Variants in NOP16 observed in about 807,000 individuals in gnomAD.
NOP16 encodes NOP16 nucleolar protein.
A neutral mutation model predicts 22.7 loss-of-function variants in NOP16; 14 were observed. That is an observed-to-expected ratio of 0.62 (90% CI 0.41 to 0.97). The LOEUF is 0.97. Among genes scored for constraint, NOP16 ranks in the 50% least tolerant of loss-of-function variants. The pLI is 0.00. For missense variants in NOP16, 198 were observed against 235.9 expected (o/e 0.84, Z 1.05); for synonymous variants, 80 against 83.6 (o/e 0.96, Z 0.23).
rs560494742 is a variant in NOP16, at chr5:176,384,514, C to T, written c.394-140G>A. ...CTCAAAGGCTGTGGTGCACCGGGCACAGTGGCTCATGCCTGTAATCCCAAC... is the reference window on the plus strand; with the variant it reads ...CTCAAAGGCTGTGGTGCACCGGGCATAGTGGCTCATGCCTGTAATCCCAAC... On this transcript the variant is annotated intron_variant, in intron 4 of 4. Transcript: ENST00000614830. 2.4e-4 allele frequency: 196 copies of T among 804,436 alleles called. 1 individual carries two copies. In the South Asian group the frequency reaches 3.2e-3, roughly 13 times the overall value. The allele number at this position is 804,436 out of a possible 1,614,324, so 49.8% of individuals were successfully genotyped here.
At chr5:176,385,370 G>T (rs757470316) in intron 3 of NOP16, 43 bp from the exon 4 acceptor site, 5 of 1,181,418 alleles carry the variant, frequency 4.2e-6, no homozygotes, top group Admixed American at 1.7e-5. Context: ...ATGAGGCTTT[G>T]CTTTCTGTGC....
At position 176,385,279 on chromosome 5, in the gene NOP16, G is replaced by T; in HGVS notation, c.335C>A (p.Ser112Tyr). ...SLPEKKGNTL[S>Y]RDLIDYVRYM... ...GCGTACATAGTCAATGAGGTCCCGAGACAGAGTATTTCCTTTCTTTTCTGG... is the reference window on the plus strand; with the variant it reads ...GCGTACATAGTCAATGAGGTCCCGATACAGAGTATTTCCTTTCTTTTCTGG... Residue 112 changes from serine (S) to tyrosine (Y), a missense_variant, in exon 4 of 5, where the codon TCT becomes TAT. By Grantham distance (144) the Ser-to-Tyr change is moderately radical. Coordinates refer to ENST00000614830, the MANE Select transcript of NOP16 (RefSeq NM_016391.8). 1 of 1,613,466 alleles carries T rather than the reference G, an allele frequency of 6.2e-7. No homozygotes were observed. Among genetic ancestry groups the T allele is most frequent in the African/African-American group, 1.3e-5 (1 of 75,032 alleles).
Position 176,388,358 on chromosome 5 carries a change from A to T in NOP16, c.108-15T>A. Reference sequence around the variant, plus strand: ...GGATGTGGGAGCTACCGGCAAAGAGAGACATCGCGGATCCGTCATCTCGCG... The same window carrying T: ...GGATGTGGGAGCTACCGGCAAAGAGTGACATCGCGGATCCGTCATCTCGCG... On this transcript the variant is annotated splice_polypyrimidine_tract_variant and intron_variant, in intron 1 of 4. Transcript: ENST00000614830. 1.2e-6 allele frequency: 2 copies of T among 1,613,638 alleles called. No homozygotes were observed. Among genetic ancestry groups the T allele is most frequent in the Non-Finnish European group, 1.7e-6 (2 of 1,179,556 alleles).
chr5:176,384,833 A>C (rs1012857152), intron 4 of NOP16: 16 of 433,092 alleles, frequency 3.7e-5, no homozygotes, highest in Middle Eastern at 6.0e-4. Context: ...CCAGCTGAGG[A>C]GCTCATGACC....
At chr5:176,387,647 C>G (rs1343668310) in intron 2 of NOP16, among the ~76,000 whole-genome samples, 1 of 152,184 alleles carries the variant, frequency 6.6e-6, no homozygotes, top group Non-Finnish European at 1.5e-5. Flanking sequence ...TTTTGGGAAC[C>G]TGGATTCTTT....
At position 176,384,967 on chromosome 5, in the gene NOP16, A is replaced by C. The variant is rs1416780864; in HGVS notation, c.393+254T>G. 3 of 581,780 alleles carry C rather than the reference A, an allele frequency of 5.2e-6. No homozygotes were observed. The Admixed American group carries it at 8.9e-5, about 17-fold the overall frequency. The allele number at this position is 581,780 out of a possible 1,614,324, so 36.0% of individuals were successfully genotyped here. A position where few individuals can be genotyped will look rare whatever the true frequency, so the allele number is the denominator to read the frequency against. On this transcript the variant is annotated intron_variant, in intron 4 of 4. Transcript: ENST00000614830. ...CTGAGCAAGACTCTGTCTTGAAAAC[A>C]AAAACAAACCAAAAAACACCATGCG...
chr5:176,386,905 T>C lies in NOP16; in HGVS notation c.221A>G (p.Lys74Arg). 2 of 1,613,972 alleles carry C rather than the reference T, an allele frequency of 1.2e-6. No homozygotes were observed. The highest frequency in any genetic ancestry group is 1.7e-6 in the Non-Finnish European group (2 of 1,179,862). Residue 74 changes from lysine to arginine, a missense_variant, in exon 3 of 5, where the codon AAG (lysine) becomes AGG (arginine). Lys to Arg is a conservative substitution (Grantham distance 26). Transcript: ENST00000614830. ...RAVPLRKRKV[K>R]AMEVDIEERP... ...CTCCTCTATGTCCACCTCCATGGCC[T>C]TCACCTGCAGAGAACAGAGCCCTTG... is the stretch of plus-strand genomic sequence containing the variant.
chr5:176,384,003 A>T lies in NOP16; in HGVS notation c.*228T>A, dbSNP rs541817987. 6.5e-7 allele frequency: 1 copy of T among 1,536,574 alleles called. No homozygotes were observed. The highest frequency in any genetic ancestry group is 1.2e-5 in the South Asian group (1 of 84,234). On this transcript the variant is annotated 3_prime_UTR_variant, in exon 5 of 5. Transcript: ENST00000614830. The stretch of plus-strand genomic sequence containing the variant: ...TATTTACATCACCCACCCTGAAAAC[A>T]GCAGGTTCTGGCTTTTCCGTGAACC...
In NOP16 at chr5:176,386,369, G is replaced by A. The variant is rs571555417; in HGVS notation, c.286+471C>T. On this transcript the variant is annotated intron_variant, in intron 3 of 4. Transcript: ENST00000614830. ...GGGAGCTGCTTAAACTCCCTGACAG[G>A]TAAGGGGAAGGATGAATGAAGAATT... 4.8e-4 allele frequency: 105 copies of A among 220,196 alleles called. 2 individuals are homozygous for A. The South Asian group carries it at 6.9e-3, about 14-fold the overall frequency. The allele number at this position is 220,196 out of a possible 1,614,324, so 13.6% of individuals were successfully genotyped here. A position where few individuals can be genotyped will look rare whatever the true frequency, so the allele number is the denominator to read the frequency against.
chr5:176,385,579 C>T (rs1274643219), intron 3 of NOP16, among the ~76,000 whole-genome samples: 2 of 152,160 alleles, frequency 1.3e-5, no homozygotes, highest in South Asian at 4.1e-4. Flanking sequence ...CACTTCTCTC[C>T]GGGCCTCAGG....
At chr5:176,384,523 A>G in intron 4 of NOP16, 149 bp from the exon 5 acceptor site, 2 of 746,092 alleles carry the variant, frequency 2.7e-6, no homozygotes, top group Non-Finnish European at 4.3e-6. Flanking sequence ...ACAGTGGCTC[A>G]TGCCTGTAAT....
At position 176,386,861 on chromosome 5, in the gene NOP16, G is replaced by A. The variant is rs752090377; in HGVS notation, c.265C>T (p.Arg89Trp). ...DIEERPKELV[R>W]KPYVLNDLEA... ...CCACCATTCAGCACATAGGGCTTCC[G>A]TACAAGCTCTTTAGGCCTCTCCTCT... Residue 89 changes from arginine to tryptophan, a missense_variant, in exon 3 of 5, where the codon CGG (arginine) becomes TGG (tryptophan). Transcript: ENST00000614830. 6.8e-6 allele frequency: 11 copies of A among 1,613,902 alleles called. No individual in the cohort carries two copies. The highest frequency in any genetic ancestry group is 2.2e-5 in the East Asian group (1 of 44,894).
intron 4 of NOP16, chr5:176,385,019 C>T: frequency 1.7e-6 from 1 of 588,830 alleles, no homozygotes; most frequent in East Asian, 2.8e-5. Flanking sequence ...GTGAGTGAGA[C>T]TGGAACCAAG....
At position 176,388,254 on chromosome 5, in the gene NOP16, A is replaced by T. The variant is rs1350415891; in HGVS notation, c.197T>A (p.Val66Glu). 6.2e-7 allele frequency: 1 copy of T among 1,612,866 alleles called. No homozygotes were observed. The highest frequency in any genetic ancestry group is 8.5e-7 in the Non-Finnish European group (1 of 1,179,104). Reference sequence around the variant, plus strand: ...CAGTACCTTTCTCTTACGGAGGGGCACCGCCCTGTTGGGGTCCACAGCCAA... The same window carrying T: ...CAGTACCTTTCTCTTACGGAGGGGCTCCGCCCTGTTGGGGTCCACAGCCAA... ...MGLAVDPNRAVPLRKRKVKAM... is the reference protein window; with the variant it reads ...MGLAVDPNRAEPLRKRKVKAM... The change falls in exon 2 of 5, where the codon GTG becomes GAG. Residue 66 changes from valine to glutamate, a missense_variant. Val to Glu is a moderately radical substitution (Grantham distance 121). Transcript: ENST00000614830.
intron 4 of NOP16, chr5:176,384,693 C>G: frequency 2.4e-6 from 1 of 408,628 alleles, no homozygotes. Flanking sequence ...CTGTTTCAGC[C>G]CGGGAGGATG....
Position 176,384,190 on chromosome 5 carries a change from C to G in NOP16, c.*41G>C, listed in dbSNP as rs140981968. ...CACCCTGGCTCCAGCTTCACTGGTC[C>G]GGGGGACGCCTCAGCCTGGGGCAGC... is the stretch of plus-strand genomic sequence containing the variant. On this transcript the variant is annotated 3_prime_UTR_variant, in exon 5 of 5. Coordinates refer to ENST00000614830, the MANE Select transcript of NOP16 (RefSeq NM_016391.8). 4.3e-6 allele frequency: 7 copies of G among 1,613,978 alleles called. No individual in the cohort carries two copies. In the Admixed American group the frequency reaches 5.0e-5, roughly 12 times the overall value.
Position 176,385,260 on chromosome 5 carries a change from AT to A in NOP16, c.353del (p.Tyr118LeufsTer6). 6.2e-7 allele frequency: 1 copy of A among 1,613,304 alleles called. No individual in the cohort carries two copies. On this transcript the variant is annotated frameshift_variant, in exon 4 of 5. Coordinates refer to ENST00000614830, the MANE Select transcript of NOP16 (RefSeq NM_016391.8). LOFTEE classifies it high-confidence loss of function. Reference protein sequence around the residue: ...GNTLSRDLIDYVRYMVENHGE... With the variant: ...GNTLSRDLIDXVRYMVENHGE... ...CGTGGTTCTCTACCATGTAGCGTAC[AT>A]AGTCAATGAGGTCCCGAGACAGAGT...
At chr5:176,387,423 AAG>A (rs1755955589) in intron 2 of NOP16, among the ~76,000 whole-genome samples, 1 of 152,222 alleles carries the variant, frequency 6.6e-6, no homozygotes, top group Non-Finnish European at 1.5e-5. Flanking sequence ...TGTTCTCAAT[AAG>A]TAGTTAACCT....
rs1393036270 is a variant in NOP16, at chr5:176,386,960, T to G, written c.217-51A>C. On this transcript the variant is annotated intron_variant, in intron 2 of 4. Coordinates refer to ENST00000614830, the MANE Select transcript of NOP16 (RefSeq NM_016391.8). ...CAGAAGGATCTTTGATGAGGGAAAG[T>G]TATAGACTCCTGCTTATCCCAACAC... 2.7e-6 allele frequency: 4 copies of G among 1,500,248 alleles called. No homozygotes were observed. The Admixed American group carries it at 6.7e-5, about 25-fold the overall frequency. 92.9% of individuals were successfully genotyped at this position (1,500,248 alleles called of 1,614,324 possible).
Sources: gnomAD v4.1 joint callset for allele counts (sites outside exome capture counted in the v4.1 genomes callset) on GRCh38, gnomAD v4.1.1 for gene constraint, MANE v1.5 for transcripts, NCBI Gene and HGNC (gene_info 2026-07-23, HGNC 2026-07-21) for gene names.